The following MED12 variants were observed in gnomAD, a reference collection of about 807,000 sequenced individuals.
MED12 encodes mediator of RNA polymerase II transcription subunit 12.
Under a neutral mutation model 177.7 loss-of-function variants are expected in MED12, and 10 were observed. That is an observed-to-expected ratio of 0.06 (90% CI 0.03 to 0.10). The LOEUF is 0.10. MED12 is among the 10% of genes least tolerant of loss of function. The pLI, the probability that MED12 is intolerant of heterozygous loss-of-function variation, is 1.00. For missense variants in MED12, 867 were observed against 1,780.8 expected (o/e 0.49, Z 9.23); for synonymous variants, 641 against 678.4 (o/e 0.94, Z 0.86).
intron 15 of MED12, 97 bp from the exon 16 acceptor site, chrX:71,125,254 A>C: frequency 5.9e-6 from 7 of 1,195,694 alleles, no homozygotes; most frequent in Non-Finnish European, 7.9e-6. Context: ...GGGAAAGGGA[A>C]GGGCTTTAGC....
intron 38 of MED12, 77 bp from the exon 39 acceptor site, chrX:71,137,110 G>T: frequency 8.4e-7 from 1 of 1,190,216 alleles, no homozygotes; most frequent in Non-Finnish European, 1.1e-6. Flanking sequence ...TTCCCCTGAG[G>T]AGCTATGGAT....
chrX:71,133,357 A>G, intron 33 of MED12, 145 bp downstream of exon 33: 1 of 458,732 alleles, frequency 2.2e-6, no homozygotes. Flanking sequence ...TTTTGGAGTC[A>G]GAGTCTCACT....
Position 71,118,699 on chromosome X carries a change from C to A in MED12, c.-56C>A, listed in dbSNP as rs1474089527. On this transcript the variant is annotated 5_prime_UTR_variant, in exon 1 of 45. Coordinates refer to ENST00000374080, the MANE Select transcript of MED12 (RefSeq NM_005120.3). ...CTTTTCGGCTCCCTCTCCCCCTTCC[C>A]GTTCCCCCAGTCAGCCTGGCCCTGC... The A allele has an allele frequency of 9.8e-6, 11 of 1,117,312 alleles. No individual in the cohort carries two copies. The Admixed American group carries it at 1.7e-4, about 17-fold the overall frequency. 92.1% of individuals were successfully genotyped at this position (1,117,312 alleles called of 1,213,427 possible).
chrX:71,134,594 A>C, intron 34 of MED12, 119 bp from the exon 35 acceptor site: 1 of 1,044,162 alleles, frequency 9.6e-7, no homozygotes, highest in East Asian at 3.0e-5. Context: ...CTCCCCATAC[A>C]GTTTTGGTGC....
chrX:71,126,493 G>C lies in MED12; in HGVS notation c.2685+9G>C. 3 of 1,212,094 alleles carry C rather than the reference G, an allele frequency of 2.5e-6. No homozygotes were observed. Among genetic ancestry groups the C allele is most frequent in the Non-Finnish European group, 2.2e-6 (2 of 895,454 alleles). On this transcript the variant is annotated intron_variant, in intron 19 of 44. Transcript: ENST00000374080. Reference sequence around the variant, plus strand: ...TCGACTTTGCCATTCAGGTGGGGAAGTTGGGGAGATGAGGGTGGAGGCAGG... The same window carrying C: ...TCGACTTTGCCATTCAGGTGGGGAACTTGGGGAGATGAGGGTGGAGGCAGG...
rs2092281078 is a variant in MED12, at chrX:71,118,684, C to T, written c.-71C>T. 2 of 1,038,129 alleles carry T rather than the reference C, an allele frequency of 1.9e-6. No individual in the cohort carries two copies. The highest frequency in any genetic ancestry group is 2.7e-6 in the Non-Finnish European group (2 of 754,707). The allele number at this position is 1,038,129 out of a possible 1,213,427, so 85.6% of individuals were successfully genotyped here. Reference sequence around the variant, plus strand: ...TCAACCACCGCCCCCCTTTTCGGCTCCCTCTCCCCCTTCCCGTTCCCCCAG... The same window carrying T: ...TCAACCACCGCCCCCCTTTTCGGCTTCCTCTCCCCCTTCCCGTTCCCCCAG... On this transcript the variant is annotated 5_prime_UTR_variant, in exon 1 of 45. Coordinates refer to ENST00000374080, the MANE Select transcript of MED12 (RefSeq NM_005120.3).
Position 71,127,682 on chromosome X carries a change from C to G in MED12, c.2982-211C>G. On this transcript the variant is annotated intron_variant, in intron 21 of 44. Coordinates refer to ENST00000374080, the MANE Select transcript of MED12 (RefSeq NM_005120.3). Reference sequence around the variant, plus strand: ...ATATCTGTGGGGCCCACCCTCTTCCCCCTTTTCCTCACTGCCTTCAGAGGC... The same window carrying G: ...ATATCTGTGGGGCCCACCCTCTTCCGCCTTTTCCTCACTGCCTTCAGAGGC... The G allele has an allele frequency of 1.0e-5, 5 of 479,473 alleles. No homozygotes were observed. The South Asian group carries it at 1.6e-4, about 15-fold the overall frequency. 39.5% of individuals were successfully genotyped at this position (479,473 alleles called of 1,213,427 possible).
At position 71,141,271 on chromosome X, in the gene MED12, A is replaced by G. The variant is rs1273622444; in HGVS notation, c.6309A>G (p.Gln2103=). 1.7e-6 allele frequency: 2 copies of G among 1,158,679 alleles called. No individual in the cohort carries two copies. Among genetic ancestry groups the G allele is most frequent in the Middle Eastern group, 2.4e-4 (1 of 4,252 alleles). Residue 2103 remains glutamine, a synonymous_variant, in exon 43 of 45, where the codon CAA becomes CAG. Coordinates refer to ENST00000374080, the MANE Select transcript of MED12 (RefSeq NM_005120.3). ...QQQQQQQQQQ[Q]QQQQQQQQQQ... is the part of the protein sequence containing the mutation. The stretch of plus-strand genomic sequence containing the variant: ...AACAGCAGCAGCAGCAGCAGCAGCA[A>G]CAGCAACAGCAGCAGCAGCAACAGC...
Position 71,140,829 on chromosome X carries a change from GGCAGCAGCA to G in MED12, c.6250_6258del (p.Gln2084_Gln2086del), listed in dbSNP as rs786200971. On this transcript the variant is annotated inframe_deletion, in exon 42 of 45. Transcript: ENST00000374080. Reference sequence around the variant, plus strand: ...CAGCAGCAGCAGCAGTACCACATCCGGCAGCAGCAGCAGCAGCAGATCCTGCGGGTAAGG... The same window carrying G: ...CAGCAGCAGCAGCAGTACCACATCCGGCAGCAGCAGATCCTGCGGGTAAGG... The G allele has an allele frequency of 8.3e-7, 1 of 1,198,887 alleles. No individual in the cohort carries two copies. Among genetic ancestry groups the G allele is most frequent in the Non-Finnish European group, 1.1e-6 (1 of 890,684 alleles).
intron 19 of MED12, 63 bp from the exon 20 acceptor site, chrX:71,126,906 A>G: frequency 8.9e-7 from 1 of 1,125,466 alleles, no homozygotes; most frequent in Non-Finnish European, 1.2e-6. Context: ...TCCCCACAGG[A>G]AGGTGGTTTC....
chrX:71,142,186 C>A lies in MED12; in HGVS notation c.6502C>A (p.Gln2168Lys), dbSNP rs1218598005. The part of the protein sequence containing the change: ...LQQQLSNTQP[Q>K]PSTNIFGRY The stretch of plus-strand genomic sequence containing the variant: ...CTGGTTTTTCACAGATACCCAGCCA[C>A]AGCCCAGTACCAACATATTTGGACG... Residue 2168 changes from glutamine (Q) to lysine (K), a missense_variant, in exon 45 of 45, where the codon CAG (glutamine) becomes AAG (lysine). Gln to Lys is a moderately conservative substitution (Grantham distance 53). This residue lies in a region of MED12 where 236 missense variants were observed against 345.2 expected (regional missense o/e 0.68). Transcript: ENST00000374080. 1.7e-6 allele frequency: 2 copies of A among 1,211,096 alleles called. No homozygotes were observed. The highest frequency in any genetic ancestry group is 4.3e-5 in the Admixed American group (2 of 46,002).
rs1283598954 is a variant in MED12 at position 71,121,707 on chromosome X, C to G, written c.992C>G (p.Thr331Ser). 8.3e-7 allele frequency: 1 copy of G among 1,209,517 alleles called. No homozygotes were observed. The highest frequency in any genetic ancestry group is 1.8e-5 in the African/African-American group (1 of 56,986). Residue 331 changes from threonine to serine, a missense_variant, in exon 7 of 45, where the codon ACC becomes AGC. Physicochemically the swap from Thr to Ser is moderately conservative, Grantham distance 58 (BLOSUM62 1). This residue lies in a region of MED12 where 309 missense variants were observed against 556.3 expected (regional missense o/e 0.56). Coordinates refer to ENST00000374080, the MANE Select transcript of MED12 (RefSeq NM_005120.3). ...SAQSTSTLPT[T>S]PAPQPPTSST... ...CAGTCAACAAGCACGCTACCCACCA[C>G]CCCTGCTCCTCAGCCCCCAACTAGC...
At position 71,119,484 on chromosome X, in the gene MED12, CA is replaced by C; in HGVS notation, c.204+9del. 1.7e-6 allele frequency: 2 copies of C among 1,172,421 alleles called. No homozygotes were observed. The highest frequency in any genetic ancestry group is 2.3e-6 in the Non-Finnish European group (2 of 867,885). On this transcript the variant is annotated splice_region_variant and intron_variant, in intron 2 of 44. Transcript: ENST00000374080. Reference sequence around the variant, plus strand: ...CAGCTTCAATCCTGCCAAGGTGAGACAACTCTGCCAGGCTGAAGGAAAAGGC... The same window carrying C: ...CAGCTTCAATCCTGCCAAGGTGAGACACTCTGCCAGGCTGAAGGAAAAGGC...
chrX:71,121,465 G>A (rs1473543259), intron 6 of MED12, 28 bp downstream of exon 6: 1 of 1,208,752 alleles, frequency 8.3e-7, no homozygotes, highest in Admixed American at 2.2e-5. Flanking sequence ...GGTACTGGTG[G>A]GGCAGGGGGA....
At chrX:71,120,352 G>T (rs1457197300) in intron 4 of MED12, among the ~76,000 whole-genome samples, 182 bp downstream of exon 4, 1 of 109,741 alleles carries the variant, frequency 9.1e-6, no homozygotes, top group Non-Finnish European at 1.9e-5. Flanking sequence ...CTACAAAGAT[G>T]TCCGGTGCAT....
Position 71,137,351 on chromosome X carries a change from C to G in MED12, c.5716C>G (p.Pro1906Ala), listed in dbSNP as rs1028187089. 15 of 1,209,584 alleles carry G rather than the reference C, an allele frequency of 1.2e-5. No individual in the cohort carries two copies. Among genetic ancestry groups the G allele is most frequent in the Middle Eastern group, 2.3e-4 (1 of 4,374 alleles). ...GTACCGGCAGCAGCAACCTGCGGTG[C>G]CCCAAGGACAGCGCCTTCGCCAACA... ...SVYRQQQPAVPQGQRLRQQLQ... is the reference protein window; with the variant it reads ...SVYRQQQPAVAQGQRLRQQLQ... Residue 1906 changes from proline to alanine, a missense_variant, in exon 39 of 45, where the codon CCC (proline) becomes GCC (alanine). Coordinates refer to ENST00000374080, the MANE Select transcript of MED12 (RefSeq NM_005120.3).
rs779012737 is a variant in MED12 at position 71,125,430 on chromosome X, A to G, written c.2306A>G (p.His769Arg). 5.0e-6 allele frequency: 6 copies of G among 1,210,685 alleles called. No homozygotes were observed. Among genetic ancestry groups the G allele is most frequent in the Non-Finnish European group, 6.7e-6 (6 of 894,860 alleles). The change falls in exon 16 of 45, where the codon CAT becomes CGT. Residue 769 changes from histidine to arginine, a missense_variant. Physicochemically the swap from His to Arg is conservative, Grantham distance 29 (BLOSUM62 0). Coordinates refer to ENST00000374080, the MANE Select transcript of MED12 (RefSeq NM_005120.3). ...GGAAAGCAGCGAGATGATGCCCGCC[A>G]TGCCATCAAGAAAATCACCAAGGAT... ...GVGKQRDDARHAIKKITKDIL... is the reference protein window; with the variant it reads ...GVGKQRDDARRAIKKITKDIL...
intron 30 of MED12, 63 bp from the exon 31 acceptor site, chrX:71,132,314 G>A: frequency 8.4e-7 from 1 of 1,189,132 alleles, no homozygotes; most frequent in Non-Finnish European, 1.1e-6. Flanking sequence ...GGAAAGGAGA[G>A]GATAGATTGT....
At chrX:71,120,476 G>A (rs2092286544) in intron 4 of MED12, among the ~76,000 whole-genome samples, 1 of 110,483 alleles carries the variant, frequency 9.1e-6, no homozygotes, top group South Asian at 3.8e-4. Context: ...AAGGTTCTTT[G>A]AGTGGACAAA....
Sources: gnomAD v4.1 joint callset for allele counts (sites outside exome capture counted in the v4.1 genomes callset) on GRCh38, gnomAD v4.1.1 for gene constraint, gnomAD v4.1.1 regional missense constraint, MANE v1.5 for transcripts, NCBI Gene and HGNC (gene_info 2026-07-23, HGNC 2026-07-21) for gene names.